The following OR1B1 variants were observed in gnomAD, a reference collection of about 807,000 sequenced individuals.
The protein encoded by OR1B1 is olfactory receptor family 1 subfamily B member 1, also known as olfactory receptor 1B1.
For missense variants in OR1B1, 414 were observed against 402.1 expected (o/e 1.03, Z -0.25); for synonymous variants, 168 against 156.2 (o/e 1.08, Z -0.57).
chr9:122,642,753 T>A, the OR1B1 span, among the ~76,000 whole-genome samples: 1 of 152,194 alleles, frequency 6.6e-6, no homozygotes, highest in Admixed American at 6.5e-5. Flanking sequence ...ATCTTCTTCC[T>A]ATGATATAAT....
At chr9:122,647,568 T>G in the OR1B1 span, among the ~76,000 whole-genome samples, 1 of 152,096 alleles carries the variant, frequency 6.6e-6, no homozygotes, top group South Asian at 2.1e-4. Context: ...CAGAAATAAA[T>G]GAACTTGAAA....
At chr9:122,648,048 A>G in the OR1B1 span, among the ~76,000 whole-genome samples, 2 of 152,174 alleles carry the variant, frequency 1.3e-5, no homozygotes, top group Admixed American at 1.3e-4. Flanking sequence ...TGAAATATCT[A>G]TTATTCCTTA....
the OR1B1 span, among the ~76,000 whole-genome samples, chr9:122,649,941 T>G: frequency 2.0e-5 from 3 of 152,150 alleles, no homozygotes; most frequent in African/African-American, 7.2e-5. Context: ...TAAAGACACA[T>G]GCACATGTAT....
At chr9:122,628,755 T>G (rs755708972) in exon 1 of OR1B1, 1 of 1,614,108 alleles carries the variant, frequency 6.2e-7, no homozygotes, top group Non-Finnish European at 8.5e-7. Flanking sequence ...ACACAAATGA[T>G]GGTGCCGTAG....
the OR1B1 span, among the ~76,000 whole-genome samples, chr9:122,649,632 A>G: frequency 6.6e-6 from 1 of 152,256 alleles, no homozygotes; most frequent in Non-Finnish European, 1.5e-5. Context: ...TATGCAGCCC[A>G]CAAACATTTG....
At chr9:122,645,046 G>A in the OR1B1 span, among the ~76,000 whole-genome samples, 1 of 152,124 alleles carries the variant, frequency 6.6e-6, no homozygotes, top group African/African-American at 2.4e-5. Context: ...AGAAAACACA[G>A]AAAAGGAATT....
At chr9:122,642,106 A>G in the OR1B1 span, among the ~76,000 whole-genome samples, 1 of 152,082 alleles carries the variant, frequency 6.6e-6, no homozygotes, top group Non-Finnish European at 1.5e-5. Context: ...GGAAAGAGAA[A>G]TGAAGGCAGG....
chr9:122,638,918 A>G, the OR1B1 span, among the ~76,000 whole-genome samples: 2 of 152,240 alleles, frequency 1.3e-5, no homozygotes, highest in Non-Finnish European at 2.9e-5. Context: ...TGGAAGGCTC[A>G]TAACGGACTA....
chr9:122,655,198 G>T, the OR1B1 span, among the ~76,000 whole-genome samples: 1 of 152,146 alleles, frequency 6.6e-6, no homozygotes, highest in South Asian at 2.1e-4. Context: ...AAGAAAGAAT[G>T]TGTGATGAGG....
chr9:122,654,493 G>A, the OR1B1 span, among the ~76,000 whole-genome samples: 4 of 152,142 alleles, frequency 2.6e-5, no homozygotes, highest in African/African-American at 7.2e-5. Flanking sequence ...CAATATTTTT[G>A]TTTTTCATTT....
chr9:122,643,604 G>C, the OR1B1 span, among the ~76,000 whole-genome samples: 3 of 152,206 alleles, frequency 2.0e-5, no homozygotes, highest in Non-Finnish European at 4.4e-5. Flanking sequence ...GTGAACTAGG[G>C]TGGCACGTGA....
rs1475731851 is a variant in OR1B1 at position 122,629,140 on chromosome 9, C to T, written c.396G>A (p.Leu132=). ...GGTGATTCATTACCAAAGCATAGTG[C>T]AGGGGGTCACAGATGGCCACATAGC... Residue 132 remains leucine, a synonymous_variant, in exon 1 of 1, where the codon CTG becomes CTA. Transcript: ENST00000623530. 4.3e-6 allele frequency: 7 copies of T among 1,614,058 alleles called. No individual in the cohort carries two copies. In the South Asian group the frequency reaches 6.6e-5, roughly 15 times the overall value.
At chr9:122,641,212 A>C in the OR1B1 span, among the ~76,000 whole-genome samples, 1 of 152,194 alleles carries the variant, frequency 6.6e-6, no homozygotes, top group Admixed American at 6.5e-5. Context: ...TCTGAACAAT[A>C]GTGGTGAATG....
chr9:122,643,482 C>T, the OR1B1 span, among the ~76,000 whole-genome samples: 7 of 152,306 alleles, frequency 4.6e-5, no homozygotes, highest in Non-Finnish European at 7.3e-5. Context: ...CAGCAAGCCT[C>T]GCCACCATGG....
At chr9:122,631,317 C>CAGGCGCCCGCCACCAT (rs1320009879), upstream of OR1B1, among the ~76,000 whole-genome samples, 2 of 152,016 alleles carry the variant, frequency 1.3e-5, no homozygotes, top group Non-Finnish European at 2.9e-5. Context: ...GCTGGGACCA[C>CAGGCGCCCGCCACCAT]AGGCGCCCGC....
upstream of OR1B1, among the ~76,000 whole-genome samples, chr9:122,634,323 C>T (rs181822590): frequency 5.8e-5 from 8 of 138,762 alleles, no homozygotes; most frequent in Admixed American, 1.5e-4. Flanking sequence ...GCAACAAGAG[C>T]GAACTCCATC....
At chr9:122,630,233 C>A (rs1380883594), upstream of OR1B1, among the ~76,000 whole-genome samples, 1 of 152,156 alleles carries the variant, frequency 6.6e-6, no homozygotes, top group Non-Finnish European at 1.5e-5. Flanking sequence ...AACCTAAAGA[C>A]CCCACCAAAA....
At chr9:122,651,698 G>T in the OR1B1 span, among the ~76,000 whole-genome samples, 6 of 152,050 alleles carry the variant, frequency 3.9e-5, no homozygotes, top group East Asian at 1.2e-3. Flanking sequence ...GCAAAGAAAA[G>T]GATGTTTCCT....
At chr9:122,629,412 G>A (rs1263317135) in exon 1 of OR1B1, 2 of 1,613,994 alleles carry the variant, frequency 1.2e-6, no homozygotes, top group Non-Finnish European at 1.7e-6. Flanking sequence ...ACATTCCCCA[G>A]TATGGTGGTC....
Sources: gnomAD v4.1 joint callset for allele counts (sites outside exome capture counted in the v4.1 genomes callset) on GRCh38, gnomAD v4.1.1 for gene constraint, MANE v1.5 for transcripts, NCBI Gene and HGNC (gene_info 2026-07-23, HGNC 2026-07-21) for gene names.